Variants in NUTM2E observed in about 807,000 individuals in gnomAD.
NUTM2E encodes the protein NUT family member 2E, also known as family with sequence similarity 22, member E.
In NUTM2E, 3 loss-of-function variants were observed where a neutral mutation model predicts 26.1. The observed-to-expected ratio is 0.12, with a 90% CI of 0.05 to 0.30. The LOEUF (loss-of-function observed/expected upper bound fraction) is 0.30. Among genes scored for constraint, NUTM2E ranks in the 10% least tolerant of loss-of-function variants. The pLI is 1.00. For missense variants in NUTM2E, 62 were observed against 381.3 expected (o/e 0.16, Z 6.97); for synonymous variants, 13 against 157.5 (o/e 0.08, Z 6.87).
chr10:79,830,997 C>T (rs918205123), intron 1 of NUTM2E, among the ~76,000 whole-genome samples: 2 of 151,818 alleles, frequency 1.3e-5, no homozygotes, highest in Non-Finnish European at 2.9e-5. Context: ...CAGTGTTTCA[C>T]TCTTGCTATG....
At chr10:79,832,897 G>C (rs1274390778) in intron 1 of NUTM2E, among the ~76,000 whole-genome samples, 1 of 151,728 alleles carries the variant, frequency 6.6e-6, no homozygotes, top group Non-Finnish European at 1.5e-5. Flanking sequence ...GTGTATATGT[G>C]GGCATGCCTA....
At chr10:79,833,970 A>C (rs367850891) in intron 1 of NUTM2E, among the ~76,000 whole-genome samples, 1 of 151,950 alleles carries the variant, frequency 6.6e-6, no homozygotes, top group Non-Finnish European at 1.5e-5. Flanking sequence ...CCAAATGCCC[A>C]TTAATGATAG....
At chr10:79,830,418 C>A (rs1841920297) in intron 1 of NUTM2E, among the ~76,000 whole-genome samples, 1 of 151,442 alleles carries the variant, frequency 6.6e-6, no homozygotes, top group Non-Finnish European at 1.5e-5. Context: ...ACAGAATTAA[C>A]AAAGATGTAT....
At position 79,828,020 on chromosome 10, in the gene NUTM2E, C is replaced by T. The variant is rs1424347217; in HGVS notation, c.-2728+663C>T. On this transcript the variant is annotated intron_variant, in intron 1 of 9. Coordinates refer to ENST00000429984, the MANE Select transcript of NUTM2E (RefSeq NM_001355263.2). ...ATGGTGGTCAGGCTGGTCGCAAACT[C>T]CCGACCTTAGGTGATACGCCCACCT... Among the ~76,000 whole-genome samples, 4 of 151,414 alleles carry T rather than the reference C, an allele frequency of 2.6e-5. 1 individual carries two copies. The highest frequency in any genetic ancestry group is 1.3e-4 in the Admixed American group (2 of 15,158).
chr10:79,839,135 C>T lies in NUTM2E; in HGVS notation c.-2114+20C>T, dbSNP rs1841983813. Among the ~76,000 whole-genome samples the T allele has an allele frequency of 6.6e-6, 1 of 151,698 alleles. No individual in the cohort carries two copies. Among genetic ancestry groups the T allele is most frequent in the African/African-American group, 2.4e-5 (1 of 41,330 alleles). ...TTTTCGGTAATACAAACCTGCAGTCCATGCACCTAGGTAACACCCTTGCTG... is the reference window on the plus strand; with the variant it reads ...TTTTCGGTAATACAAACCTGCAGTCTATGCACCTAGGTAACACCCTTGCTG... On this transcript the variant is annotated intron_variant, in intron 3 of 9. Transcript: ENST00000429984.
chr10:79,828,346 G>C (rs969867817), intron 1 of NUTM2E, among the ~76,000 whole-genome samples: 2 of 151,832 alleles, frequency 1.3e-5, no homozygotes, highest in Admixed American at 1.3e-4. Context: ...GAAGGTATGA[G>C]GCTTTTAACT....
chr10:79,834,745 TA>T lies in NUTM2E; in HGVS notation c.-2727-3559del, dbSNP rs566153559. Among the ~76,000 whole-genome samples, 86 of 149,306 alleles carry T rather than the reference TA, an allele frequency of 5.8e-4. 1 individual carries two copies. The highest frequency in any genetic ancestry group is 2.0e-3 in the African/African-American group (80 of 40,860). On this transcript the variant is annotated intron_variant, in intron 1 of 9. Transcript: ENST00000429984. ...ATTCACAGTTGTAACCAGCCTAAAT[TA>T]AAAATATTTCTTAAGAAAAAGATTG...
At chr10:79,836,126 A>G (rs1052375023) in intron 1 of NUTM2E, among the ~76,000 whole-genome samples, 3 of 151,524 alleles carry the variant, frequency 2.0e-5, no homozygotes, top group Non-Finnish European at 4.4e-5. Flanking sequence ...GAGAAATAGC[A>G]TATGTATTTG....
chr10:79,830,159 A>G (rs968262098), intron 1 of NUTM2E, among the ~76,000 whole-genome samples: 1 of 151,548 alleles, frequency 6.6e-6, no homozygotes, highest in African/African-American at 2.4e-5. Context: ...ATAATCATAA[A>G]TTTTCATAAA....
At position 79,833,552 on chromosome 10, in the gene NUTM2E, A is replaced by G. The variant is rs1460041126; in HGVS notation, c.-2727-4757A>G. On this transcript the variant is annotated intron_variant, in intron 1 of 9. Transcript: ENST00000429984. Reference sequence around the variant, plus strand: ...CCCCATCAAAAAGTGGGTGAAGGAAATGAACAGACACTTTTCAAAAGAAGG... The same window carrying G: ...CCCCATCAAAAAGTGGGTGAAGGAAGTGAACAGACACTTTTCAAAAGAAGG... 5.3e-5 allele frequency among the ~76,000 whole-genome samples: 8 copies of G among 151,878 alleles called. 1 individual carries two copies. Among genetic ancestry groups the G allele is most frequent in the Non-Finnish European group, 1.2e-4 (8 of 67,928 alleles).
chr10:79,828,572 A>G (rs1841906613), intron 1 of NUTM2E, among the ~76,000 whole-genome samples: 1 of 151,922 alleles, frequency 6.6e-6, no homozygotes, highest in African/African-American at 2.4e-5. Flanking sequence ...GTGGAAAAGT[A>G]GAAGGAAATG....
chr10:79,833,887 T>G (rs574208948), intron 1 of NUTM2E, among the ~76,000 whole-genome samples: 1 of 151,966 alleles, frequency 6.6e-6, no homozygotes, highest in African/African-American at 2.4e-5. Context: ...TTATAAATCA[T>G]TCTTCTATAA....
At position 79,840,308 on chromosome 10, in the gene NUTM2E, G is replaced by T. The variant is rs1305824598; in HGVS notation, c.-1433G>T. 2.6e-5 allele frequency among the ~76,000 whole-genome samples: 3 copies of T among 114,818 alleles called. No individual in the cohort carries two copies. Among genetic ancestry groups the T allele is most frequent in the African/African-American group, 9.7e-5 (3 of 31,084 alleles). 75.3% of individuals were successfully genotyped at this position (114,818 alleles called of 152,430 possible). Reference sequence around the variant, plus strand: ...CATGATTTTGCTTGAATTGCTCTCCGTTGATCTTCTCAGCTAAGATGGAGG... The same window carrying T: ...CATGATTTTGCTTGAATTGCTCTCCTTTGATCTTCTCAGCTAAGATGGAGG... On this transcript the variant is annotated 5_prime_UTR_variant, in exon 4 of 10. Coordinates refer to ENST00000429984, the MANE Select transcript of NUTM2E (RefSeq NM_001355263.2).
chr10:79,836,681 A>C (rs898834826), intron 1 of NUTM2E, among the ~76,000 whole-genome samples: 17 of 151,978 alleles, frequency 1.1e-4, no homozygotes, highest in Non-Finnish European at 1.8e-4. Context: ...AAGCTAGAGA[A>C]TGTAGGGACT....
intron 1 of NUTM2E, among the ~76,000 whole-genome samples, chr10:79,833,644 A>T (rs1841942545): frequency 6.6e-6 from 1 of 151,804 alleles, no homozygotes. Context: ...AGAAATGCAA[A>T]TCAAAACCAC....
At position 79,839,751 on chromosome 10, in the gene NUTM2E, T is replaced by G. The variant is rs1841987651; in HGVS notation, c.-1990T>G. ...CAGCATGGAGCCGCCATTCCTCTAC[T>G]GGGTGGAGGAGCATGTGTCCTCTGA... On this transcript the variant is annotated 5_prime_UTR_variant, in exon 4 of 10. Transcript: ENST00000429984. Among the ~76,000 whole-genome samples, 1 of 151,268 alleles carries G rather than the reference T, an allele frequency of 6.6e-6. No homozygotes were observed. Among genetic ancestry groups the G allele is most frequent in the Non-Finnish European group, 1.5e-5 (1 of 67,822 alleles).
At chr10:79,839,407 A>G (rs1841985355) in intron 3 of NUTM2E, among the ~76,000 whole-genome samples, 1 of 150,356 alleles carries the variant, frequency 6.7e-6, no homozygotes, top group Admixed American at 6.7e-5. Flanking sequence ...ACCGCATTCA[A>G]ATGATTTCTA....
At chr10:79,837,921 T>G (rs913546540) in intron 1 of NUTM2E, among the ~76,000 whole-genome samples, 3 of 151,628 alleles carry the variant, frequency 2.0e-5, no homozygotes, top group Admixed American at 1.3e-4. Context: ...GCAATTACAG[T>G]GTAGGATAGT....
intron 1 of NUTM2E, among the ~76,000 whole-genome samples, chr10:79,835,927 T>C (rs1369920021): frequency 6.7e-6 from 1 of 148,698 alleles, no homozygotes; most frequent in East Asian, 2.0e-4. Flanking sequence ...TTTACTATTT[T>C]CTCCCCTAGT....
Sources: allele counts gnomAD v4.1 joint callset (sites outside exome capture counted in the v4.1 genomes callset), GRCh38; gene constraint gnomAD v4.1.1; transcripts MANE v1.5; gene names NCBI Gene and HGNC (gene_info 2026-07-23, HGNC 2026-07-21).